Variants in SPATA16 observed in about 807,000 individuals in gnomAD.
SPATA16 encodes the protein spermatogenesis associated 16.
A neutral mutation model predicts 63.3 loss-of-function variants in SPATA16; 36 were observed. That is an observed-to-expected ratio of 0.57 (90% CI 0.44 to 0.75). SPATA16 has a LOEUF of 0.75. Among genes scored for constraint, SPATA16 ranks in the 30% least tolerant of loss-of-function variants. The pLI is 0.00. For synonymous variants in SPATA16, 203 were observed against 216.7 expected (o/e 0.94, Z 0.56); for missense variants, 646 against 679.3 (o/e 0.95, Z 0.54).
intron 5 of SPATA16, among the ~76,000 whole-genome samples, chr3:172,971,096 G>T (rs1734036757): frequency 6.6e-6 from 1 of 152,142 alleles, no homozygotes; most frequent in Admixed American, 6.6e-5. Context: ...TGATTGTCAT[G>T]TTTGAAAGAA....
At chr3:173,108,205 A>G (rs909774531) in intron 2 of SPATA16, among the ~76,000 whole-genome samples, 1 of 152,134 alleles carries the variant, frequency 6.6e-6, no homozygotes, top group Non-Finnish European at 1.5e-5. Context: ...GACACACACT[A>G]TCTAACCACT....
rs763483812 is a variant in SPATA16 at position 172,916,408 on chromosome 3, ACT to A, written c.1410_1411del (p.Arg470SerfsTer9). 4 of 1,613,254 alleles carry A rather than the reference ACT, an allele frequency of 2.5e-6. No homozygotes were observed. Among genetic ancestry groups the A allele is most frequent in the African/African-American group, 2.7e-5 (2 of 74,688 alleles). On this transcript the variant is annotated frameshift_variant, in exon 9 of 11. Transcript: ENST00000351008. LOFTEE classifies it high-confidence loss of function. ...ATTAATCACCTGGGACTGCTCCTTT[ACT>A]CTCTGCAGCTGGCTGAGGAGGCTGG...
intron 4 of SPATA16, among the ~76,000 whole-genome samples, chr3:173,002,845 T>C (rs1283528895): frequency 6.6e-6 from 1 of 152,218 alleles, no homozygotes; most frequent in Non-Finnish European, 1.5e-5. Context: ...TCAAAATAAT[T>C]GGTTATCCAC....
Position 172,889,608 on chromosome 3 carries a change from T to G in SPATA16, c.1672A>C (p.Thr558Pro). 1 of 1,613,926 alleles carries G rather than the reference T, an allele frequency of 6.2e-7. No individual in the cohort carries two copies. The highest frequency in any genetic ancestry group is 1.1e-5 in the South Asian group (1 of 91,082). Residue 558 changes from threonine (T) to proline (P), a missense_variant, in exon 11 of 11, where the codon ACA becomes CCA. Coordinates refer to ENST00000351008, the MANE Select transcript of SPATA16 (RefSeq NM_031955.6). Reference protein sequence around the residue: ...KKLRTARRQKTKMKRLQTVQQ... With the variant: ...KKLRTARRQKPKMKRLQTVQQ... ...ACAGTTTGAAGTCGCTTCATTTTTG[T>G]TTTTTGCCTTCGAGCAGTTCTCAGT...
At chr3:172,998,929 T>C (rs991979044) in intron 4 of SPATA16, among the ~76,000 whole-genome samples, 1 of 152,192 alleles carries the variant, frequency 6.6e-6, no homozygotes, top group Non-Finnish European at 1.5e-5. Context: ...TTTTTACGTA[T>C]TATTGGATTC....
At chr3:173,094,792 C>T (rs1577171588) in intron 2 of SPATA16, among the ~76,000 whole-genome samples, 4 of 151,370 alleles carry the variant, frequency 2.6e-5, no homozygotes, top group African/African-American at 4.8e-5. Flanking sequence ...ATGGGCAGGC[C>T]GTAGGGCTAA....
chr3:173,040,733 G>A (rs1735819764), intron 3 of SPATA16, among the ~76,000 whole-genome samples: 1 of 152,162 alleles, frequency 6.6e-6, no homozygotes, highest in South Asian at 2.1e-4. Context: ...AATGCCATAG[G>A]TTTGCTGGGA....
intron 3 of SPATA16, among the ~76,000 whole-genome samples, chr3:173,036,330 T>C (rs898981312): frequency 2.6e-5 from 4 of 152,078 alleles, no homozygotes; most frequent in African/African-American, 4.8e-5. Context: ...GGAAAACTTA[T>C]ATCTGTCACT....
intron 2 of SPATA16, among the ~76,000 whole-genome samples, chr3:173,059,224 T>G (rs1278591128): frequency 6.6e-6 from 1 of 151,946 alleles, no homozygotes; most frequent in East Asian, 1.9e-4. Flanking sequence ...ATTAATTGAT[T>G]AAGTCTTGTA....
At chr3:173,138,531 CA>C (rs1356567761) in intron 1 of SPATA16, among the ~76,000 whole-genome samples, 8 of 152,092 alleles carry the variant, frequency 5.3e-5, no homozygotes, top group African/African-American at 1.9e-4. Flanking sequence ...GTTTGAAAGG[CA>C]CATGCACAAC....
At chr3:172,924,179 G>T (rs1481616481) in intron 8 of SPATA16, 29 bp downstream of exon 8, 2 of 1,505,518 alleles carry the variant, frequency 1.3e-6, no homozygotes, top group Non-Finnish European at 1.8e-6. Context: ...TTTGTACATT[G>T]GACAAATATA....
At chr3:173,042,470 C>A (rs973407886) in intron 3 of SPATA16, among the ~76,000 whole-genome samples, 1 of 152,130 alleles carries the variant, frequency 6.6e-6, no homozygotes, top group Non-Finnish European at 1.5e-5. Context: ...CAGCGATCCA[C>A]CCCCCTTGGC....
intron 10 of SPATA16, among the ~76,000 whole-genome samples, chr3:172,895,827 C>T (rs1166036053): frequency 6.6e-6 from 1 of 152,046 alleles, no homozygotes; most frequent in African/African-American, 2.4e-5. Flanking sequence ...TAGATTATTT[C>T]CAGTTTGGGG....
intron 2 of SPATA16, among the ~76,000 whole-genome samples, chr3:173,114,009 GT>G (rs2108333943): frequency 6.6e-6 from 1 of 152,140 alleles, no homozygotes; most frequent in South Asian, 2.1e-4. Flanking sequence ...GTGAAACCCT[GT>G]CTCTACTAAA....
chr3:173,055,274 C>G, intron 2 of SPATA16, among the ~76,000 whole-genome samples: 1 of 152,152 alleles, frequency 6.6e-6, no homozygotes, highest in Non-Finnish European at 1.5e-5. Context: ...TAGTTGCACT[C>G]CTGGACACTT....
At chr3:173,083,664 A>G (rs1419928453) in intron 2 of SPATA16, among the ~76,000 whole-genome samples, 1 of 151,896 alleles carries the variant, frequency 6.6e-6, no homozygotes, top group Non-Finnish European at 1.5e-5. Context: ...GAAAGGCCCC[A>G]GTGTGTGTTG....
intron 2 of SPATA16, among the ~76,000 whole-genome samples, chr3:173,109,448 A>G (rs189600071): frequency 3.0e-4 from 46 of 152,292 alleles, no homozygotes; most frequent in African/African-American, 1.0e-3. Flanking sequence ...GTGGCCCATC[A>G]AAATGAGTAA....
chr3:172,951,863 A>T (rs1034173846), intron 6 of SPATA16, among the ~76,000 whole-genome samples: 7 of 152,236 alleles, frequency 4.6e-5, no homozygotes, highest in African/African-American at 1.7e-4. Flanking sequence ...GATAATAATT[A>T]CTTCTCCAGC....
At chr3:173,123,077 G>C (rs532506598) in intron 1 of SPATA16, among the ~76,000 whole-genome samples, 1 of 152,298 alleles carries the variant, frequency 6.6e-6, no homozygotes, top group African/African-American at 2.4e-5. Context: ...TTCTATCTGA[G>C]AACCCTCAAG....
Sources: allele counts gnomAD v4.1 joint callset (sites outside exome capture counted in the v4.1 genomes callset), GRCh38; gene constraint gnomAD v4.1.1; transcripts MANE v1.5; gene names NCBI Gene and HGNC (gene_info 2026-07-23, HGNC 2026-07-21).